HIPK1: variants seen among roughly 807,000 people sequenced by gnomAD.
HIPK1 encodes homeodomain interacting protein kinase 1, also known as homeodomain-interacting protein kinase 1.
A neutral mutation model predicts 117.1 loss-of-function variants in HIPK1; 28 were observed. The ratio of observed to expected loss-of-function variants is 0.24; its 90% confidence interval spans 0.18 to 0.33. HIPK1 has a LOEUF of 0.33. Ranked by LOEUF, HIPK1 falls within the 10% of genes least tolerant of loss-of-function variation. The pLI, the probability that HIPK1 is intolerant of heterozygous loss-of-function variation, is 1.00. For missense variants in HIPK1, 1,122 were observed against 1,475.1 expected (o/e 0.76, Z 3.92); for synonymous variants, 605 against 562.5 (o/e 1.08, Z -1.07).
Position 113,973,207 on chromosome 1 carries a change from C to T in HIPK1, c.3328C>T (p.His1110Tyr). 2 of 1,613,738 alleles carry T rather than the reference C, an allele frequency of 1.2e-6. No homozygotes were observed. Among genetic ancestry groups the T allele is most frequent in the Non-Finnish European group, 1.7e-6 (2 of 1,179,782 alleles). ...CCCTGCTCACCTGCCAAGCCAGGCTCATCTGTATACGTATGCTGCCCCGAC... is the reference window on the plus strand; with the variant it reads ...CCCTGCTCACCTGCCAAGCCAGGCTTATCTGTATACGTATGCTGCCCCGAC... The part of the protein sequence containing the change: ...PAPAHLPSQA[H>Y]LYTYAAPTSA... Residue 1110 changes from histidine (H) to tyrosine (Y), a missense_variant, in exon 16 of 16, where the codon CAT (histidine) becomes TAT (tyrosine). Coordinates refer to ENST00000426820, the MANE Select transcript of HIPK1 (RefSeq NM_198268.3).
chr1:113,963,858 T>G (rs576318488), intron 10 of HIPK1, among the ~76,000 whole-genome samples: 15 of 152,292 alleles, frequency 9.8e-5, no homozygotes, highest in South Asian at 4.1e-4. Context: ...TTCAACACTG[T>G]TACTTGTTTT....
chr1:113,962,359 G>A lies in HIPK1; in HGVS notation c.2024G>A (p.Arg675Lys), dbSNP rs772180119. The change falls in exon 9 of 16, where the codon AGG becomes AAG. Residue 675 changes from arginine (R) to lysine (K), a missense_variant. By Grantham distance (26) the Arg-to-Lys change is conservative. Coordinates refer to ENST00000426820, the MANE Select transcript of HIPK1 (RefSeq NM_198268.3). ...ACAAAGCATTCTGGATTCCCTGTGA[G>A]GATGGATAATGCTGTACCGATTGTA... The part of the protein sequence containing the change: ...ATTKHSGFPV[R>K]MDNAVPIVPQ... The A allele has an allele frequency of 2.5e-6, 4 of 1,613,852 alleles. No homozygotes were observed. The highest frequency in any genetic ancestry group is 3.4e-6 in the Non-Finnish European group (4 of 1,179,796).
At position 113,974,660 on chromosome 1, in the gene HIPK1, A is replaced by G. The variant is rs1673047386; in HGVS notation, c.*1148A>G. ...ATTGAATGCTCTCTTATTAAGACTTATATAATAAGTGCATGTAGGAATTGC... is the reference window on the plus strand; with the variant it reads ...ATTGAATGCTCTCTTATTAAGACTTGTATAATAAGTGCATGTAGGAATTGC... On this transcript the variant is annotated 3_prime_UTR_variant, in exon 16 of 16. Transcript: ENST00000426820. 6.5e-6 allele frequency: 1 copy of G among 152,780 alleles called. No homozygotes were observed. Among genetic ancestry groups the G allele is most frequent in the African/African-American group, 2.4e-5 (1 of 41,458 alleles). 9.5% of individuals were successfully genotyped at this position (152,780 alleles called of 1,614,324 possible).
chr1:113,931,465 G>A (rs1669893681), intron 1 of HIPK1, among the ~76,000 whole-genome samples: 1 of 152,158 alleles, frequency 6.6e-6, no homozygotes, highest in African/African-American at 2.4e-5. Flanking sequence ...AAGTATCTTA[G>A]AATAAAATGG....
At chr1:113,949,800 A>G (rs780768091) in intron 2 of HIPK1, among the ~76,000 whole-genome samples, 17 of 152,014 alleles carry the variant, frequency 1.1e-4, no homozygotes, top group Non-Finnish European at 2.2e-4. Context: ...GGGTTTCACC[A>G]TGTTGGCCAG....
At chr1:113,945,016 G>T (rs1670897384) in intron 2 of HIPK1, among the ~76,000 whole-genome samples, 1 of 151,670 alleles carries the variant, frequency 6.6e-6, no homozygotes, top group Admixed American at 6.6e-5. Context: ...CCTGACTAGT[G>T]TTTTGTATTT....
At chr1:113,963,862 T>C (rs1672285960) in intron 10 of HIPK1, among the ~76,000 whole-genome samples, 1 of 152,232 alleles carries the variant, frequency 6.6e-6, no homozygotes, top group Non-Finnish European at 1.5e-5. Context: ...ACACTGTTAC[T>C]TGTTTTCTGC....
chr1:113,951,945 C>CTTTTTTTTTT (rs34394248), intron 2 of HIPK1, among the ~76,000 whole-genome samples: 1 of 110,678 alleles, frequency 9.0e-6, no homozygotes, highest in Non-Finnish European at 1.8e-5. Flanking sequence ...TTGACCAGGG[C>CTTTTTTTTTT]TTTTTTTTTT....
At chr1:113,970,845 A>G (rs1420118537) in intron 14 of HIPK1, among the ~76,000 whole-genome samples, 1 of 152,206 alleles carries the variant, frequency 6.6e-6, no homozygotes, top group Non-Finnish European at 1.5e-5. Context: ...CTGAGCATCC[A>G]GTCAGAAGGA....
chr1:113,932,127 A>G (rs1044916661), intron 1 of HIPK1: 4 of 152,100 alleles, frequency 2.6e-5, no homozygotes, highest in African/African-American at 9.7e-5. Flanking sequence ...CCTGTAGTGC[A>G]TAATTTGGCA....
intron 1 of HIPK1, among the ~76,000 whole-genome samples, chr1:113,932,391 T>TTA (rs1491049719): frequency 1.2e-3 from 183 of 149,260 alleles, no homozygotes; most frequent in Middle Eastern, 6.8e-3. Context: ...TTTTTTTTTT[T>TTA]ATTTGAGACA....
intron 1 of HIPK1, among the ~76,000 whole-genome samples, chr1:113,936,808 A>G (rs7545038): frequency 0.76 from 116,362 of 152,212 alleles, 45,264 homozygotes; most frequent in African/African-American, 0.92. Flanking sequence ...GACAGTTGCT[A>G]CAAACTGCAA....
At chr1:113,957,395 T>C (rs1031708802) in intron 7 of HIPK1, 109 bp downstream of exon 7, 1 of 806,902 alleles carries the variant, frequency 1.2e-6, no homozygotes, top group Non-Finnish European at 2.0e-6. Context: ...TGTTGCTTCT[T>C]AGAAATTCTC....
intron 1 of HIPK1, among the ~76,000 whole-genome samples, chr1:113,937,129 A>G (rs1038318549): frequency 6.6e-6 from 1 of 152,214 alleles, no homozygotes; most frequent in Non-Finnish European, 1.5e-5. Context: ...GTTAAATTGT[A>G]CTGACCTTAG....
rs564716920 is a variant in HIPK1, at chr1:113,973,597, T to A, written c.*85T>A. 28 of 1,452,754 alleles carry A rather than the reference T, an allele frequency of 1.9e-5. No individual in the cohort carries two copies. Among genetic ancestry groups the A allele is most frequent in the Middle Eastern group, 4.1e-4 (2 of 4,900 alleles). The allele number at this position is 1,452,754 out of a possible 1,614,324, so 90.0% of individuals were successfully genotyped here. A position where few individuals can be genotyped will look rare whatever the true frequency, so the allele number is the denominator to read the frequency against. On this transcript the variant is annotated 3_prime_UTR_variant, in exon 16 of 16. Transcript: ENST00000426820. ...ATTGGGCTATGGAGAGATCCTCCTT[T>A]ACCCTCTTGAAATTTCTTAGCCAGC...
rs115881308 is a variant in HIPK1, at chr1:113,965,138, A to T, written c.2239-992A>T. On this transcript the variant is annotated intron_variant, in intron 10 of 15. Transcript: ENST00000426820. ...TGGAACCAGTATTTGTAACAAGTAG[A>T]TCTGTTACTTGCAGAAATATTTTTA... 3.3e-3 allele frequency among the ~76,000 whole-genome samples: 496 copies of T among 152,322 alleles called. 4 individuals carry two copies. The highest frequency in any genetic ancestry group is 0.011 in the African/African-American group (459 of 41,574).
chr1:113,951,869 T>C (rs1671383855), intron 2 of HIPK1, among the ~76,000 whole-genome samples: 1 of 151,908 alleles, frequency 6.6e-6, no homozygotes, highest in South Asian at 2.1e-4. Flanking sequence ...ACCATGTCTC[T>C]TCAGAAGGCA....
chr1:113,960,332 T>C (rs1672016068), intron 8 of HIPK1, among the ~76,000 whole-genome samples: 1 of 152,202 alleles, frequency 6.6e-6, no homozygotes, highest in African/African-American at 2.4e-5. Flanking sequence ...TTGCCTTTTG[T>C]TAATTCTTTT....
intron 4 of HIPK1, among the ~76,000 whole-genome samples, chr1:113,955,242 CT>C (rs1487109612): frequency 6.6e-6 from 1 of 152,192 alleles, no homozygotes; most frequent in Non-Finnish European, 1.5e-5. Flanking sequence ...GTGTCTGAGT[CT>C]GTTGAACAGT....
Sources: gnomAD v4.1 joint callset for allele counts (sites outside exome capture counted in the v4.1 genomes callset) on GRCh38, gnomAD v4.1.1 for gene constraint, MANE v1.5 for transcripts, NCBI Gene and HGNC (gene_info 2026-07-23, HGNC 2026-07-21) for gene names.